Variants in SYK observed in about 807,000 individuals in gnomAD.
The protein encoded by SYK is spleen associated tyrosine kinase.
SYK carries 16 observed loss-of-function variants against 77.8 expected under a neutral mutation model. The ratio of observed to expected loss-of-function variants is 0.21; its 90% CI spans 0.14 to 0.31. The LOEUF is 0.31. Among genes scored for constraint, SYK ranks in the 10% least tolerant of loss-of-function variants. The probability of loss-of-function intolerance (pLI) is 1.00; values close to 1 mark genes in which losing one functional copy is unlikely to be tolerated. For synonymous variants in SYK, 312 were observed against 308.7 expected (o/e 1.01, Z -0.11); for missense variants, 529 against 814.4 (o/e 0.65, Z 4.26).
chr9:90,881,889 G>C (rs893256740), intron 11 of SYK, among the ~76,000 whole-genome samples: 1 of 152,020 alleles, frequency 6.6e-6, no homozygotes, highest in Non-Finnish European at 1.5e-5. Flanking sequence ...GGGCTGCCAC[G>C]GCAAAAATCT....
rs1055482308 is a variant in SYK at position 90,883,669 on chromosome 9, A to G, written c.1582-4080A>G. Among the ~76,000 whole-genome samples the G allele has an allele frequency of 2.0e-5, 3 of 152,094 alleles. No individual in the cohort carries two copies. The South Asian group carries it at 6.2e-4, about 32-fold the overall frequency. ...AGCACAAGTCCATTGGCCTAGTCAC[A>G]TGCCCCAATACTTGAGCATGACATC... On this transcript the variant is annotated intron_variant, in intron 11 of 13. Transcript: ENST00000375754.
intron 1 of SYK, among the ~76,000 whole-genome samples, chr9:90,802,602 G>A (rs1826771751): frequency 2.0e-5 from 3 of 152,058 alleles, no homozygotes; most frequent in Non-Finnish European, 4.4e-5. Flanking sequence ...TTTTGGCAAT[G>A]TGGCTCCAAA....
chr9:90,875,025 T>G (rs919767236), intron 9 of SYK, among the ~76,000 whole-genome samples, 176 bp downstream of exon 9: 2 of 152,076 alleles, frequency 1.3e-5, no homozygotes, highest in African/African-American at 4.8e-5. Context: ...TGGCAAAAAC[T>G]GCAATTACTT....
At chr9:90,879,090 C>G in intron 11 of SYK, 137 bp downstream of exon 11, 1 of 581,280 alleles carries the variant, frequency 1.7e-6, no homozygotes. Flanking sequence ...AAGATATGTT[C>G]TTATAATCTT....
At position 90,895,326 on chromosome 9, in the gene SYK, T is replaced by G. The variant is rs1306024121; in HGVS notation, c.1836-202T>G. ...AAAGTGCAGATATGGGTTATTTAGG[T>G]CTACAGTAGGCCGACACTATTTTTG... On this transcript the variant is annotated intron_variant, in intron 13 of 13. Coordinates refer to ENST00000375754, the MANE Select transcript of SYK (RefSeq NM_003177.7). The surrounding 1 kb of genome is among the most constrained non-coding windows in gnomAD (Gnocchi z 4.4). Among the ~76,000 whole-genome samples the G allele has an allele frequency of 6.6e-6, 1 of 152,096 alleles. No homozygotes were observed. Among genetic ancestry groups the G allele is most frequent in the Non-Finnish European group, 1.5e-5 (1 of 68,016 alleles).
At chr9:90,881,737 GCAAA>G (rs1175973449) in intron 11 of SYK, among the ~76,000 whole-genome samples, 1 of 151,492 alleles carries the variant, frequency 6.6e-6, no homozygotes, top group Admixed American at 6.6e-5. Flanking sequence ...AGCTGTGGAA[GCAAA>G]CGAACGCTGG....
At chr9:90,815,326 C>G (rs776551735) in intron 1 of SYK, among the ~76,000 whole-genome samples, 2 of 152,190 alleles carry the variant, frequency 1.3e-5, no homozygotes, top group Non-Finnish European at 2.9e-5. Flanking sequence ...GAGAGGGGAG[C>G]CTTCTGAGGC....
intron 1 of SYK, among the ~76,000 whole-genome samples, chr9:90,811,562 A>G (rs1043256301): frequency 2.0e-5 from 3 of 152,194 alleles, no homozygotes; most frequent in African/African-American, 7.2e-5. Context: ...CACCAAATAT[A>G]ACAATGTCCA....
At chr9:90,823,811 T>G (rs1016849468) in intron 1 of SYK, among the ~76,000 whole-genome samples, 38 of 151,680 alleles carry the variant, frequency 2.5e-4, no homozygotes, top group African/African-American at 9.2e-4. Flanking sequence ...ATAAAGAAAA[T>G]TACTTGTGAT....
chr9:90,839,992 C>G (rs1415906347), intron 1 of SYK, among the ~76,000 whole-genome samples: 2 of 152,028 alleles, frequency 1.3e-5, no homozygotes, highest in Admixed American at 1.3e-4. Context: ...GACCGGGCAG[C>G]TGGAGAGGGA....
intron 11 of SYK, among the ~76,000 whole-genome samples, chr9:90,884,188 C>CAGGCATAT (rs1828284402): frequency 4.7e-5 from 5 of 107,036 alleles, no homozygotes; most frequent in Non-Finnish European, 1.1e-4. Flanking sequence ...TGTATATATA[C>CAGGCATAT]ACACATACAC....
At chr9:90,855,304 G>A (rs189441277) in intron 3 of SYK, among the ~76,000 whole-genome samples, 19 of 152,280 alleles carry the variant, frequency 1.2e-4, no homozygotes, top group East Asian at 1.9e-4. Context: ...AAAGCAAGGC[G>A]TCACCTGCCA....
Position 90,874,248 on chromosome 9 carries a change from C to T in SYK, c.960C>T (p.Phe320=), listed in dbSNP as rs1249737511. The part of the protein sequence containing the change: ...QGNRQESTVS[F]NPYEPELAPW... ...ACCGGCAAGAGAGTACTGTGTCATT[C>T]AATCCGTATGAGCCAGAACTTGCAC... Residue 320 remains phenylalanine, a synonymous_variant, in exon 8 of 14, where the codon TTC becomes TTT. Transcript: ENST00000375754. The T allele has an allele frequency of 6.2e-7, 1 of 1,614,178 alleles. No homozygotes were observed. Among genetic ancestry groups the T allele is most frequent in the African/African-American group, 1.3e-5 (1 of 75,046 alleles).
intron 9 of SYK, among the ~76,000 whole-genome samples, chr9:90,875,252 TA>T (rs1276976965): frequency 1.3e-5 from 2 of 150,918 alleles, no homozygotes; most frequent in African/African-American, 4.9e-5. Context: ...AATAAATAAA[TA>T]AATAAATAAA....
At chr9:90,836,269 A>G (rs1003279323) in intron 1 of SYK, among the ~76,000 whole-genome samples, 25 of 149,888 alleles carry the variant, frequency 1.7e-4, no homozygotes, top group Non-Finnish European at 2.4e-4. Flanking sequence ...CCTGGGCAAC[A>G]GAGCGAGACT....
At chr9:90,813,319 C>T (rs925118453) in intron 1 of SYK, among the ~76,000 whole-genome samples, 1 of 152,118 alleles carries the variant, frequency 6.6e-6, no homozygotes, top group African/African-American at 2.4e-5. Flanking sequence ...CCCACCCCAG[C>T]CACCTCCATC....
intron 1 of SYK, among the ~76,000 whole-genome samples, chr9:90,841,970 G>A (rs1001306521): frequency 2.0e-5 from 2 of 102,444 alleles, no homozygotes; most frequent in African/African-American, 6.8e-5. Context: ...TGTTGTATGT[G>A]GAGTGTATGT....
At chr9:90,859,575 G>A (rs1352326105) in intron 3 of SYK, among the ~76,000 whole-genome samples, 3 of 152,194 alleles carry the variant, frequency 2.0e-5, no homozygotes, top group Non-Finnish European at 4.4e-5. Flanking sequence ...TAGCCTTGGG[G>A]TGCATAGTGC....
chr9:90,838,618 CA>C, intron 1 of SYK, among the ~76,000 whole-genome samples: 1 of 152,304 alleles, frequency 6.6e-6, no homozygotes, highest in Non-Finnish European at 1.5e-5. Flanking sequence ...CCAGACCCAG[CA>C]GGCTGAGGGG....
Sources: allele counts gnomAD v4.1 joint callset (sites outside exome capture counted in the v4.1 genomes callset), GRCh38; gene constraint gnomAD v4.1.1; non-coding constraint Gnocchi (gnomAD v3.1); transcripts MANE v1.5; gene names NCBI Gene and HGNC (gene_info 2026-07-23, HGNC 2026-07-21).